Variants in XIAP observed in about 807,000 individuals in gnomAD.
XIAP encodes the protein X-linked inhibitor of apoptosis.
Under a neutral mutation model 33.1 loss-of-function variants are expected in XIAP, and 3 were observed. The ratio of observed to expected loss-of-function variants is 0.09; its 90% CI spans 0.04 to 0.23. The LOEUF (loss-of-function observed/expected upper bound fraction) is 0.23. Among genes scored for constraint, XIAP ranks in the 10% least tolerant of loss-of-function variants. The pLI, the probability that XIAP is intolerant of heterozygous loss-of-function variation, is 1.00. For missense variants in XIAP, 264 were observed against 363.0 expected, an observed-to-expected ratio of 0.73 and a Z score of 2.22; for synonymous variants, 98 against 121.3, an observed-to-expected ratio of 0.81 and a Z score of 1.26.
intron 3 of XIAP, among the ~76,000 whole-genome samples, chrX:123,890,048 G>A (rs1481869136): frequency 6.2e-5 from 4 of 64,158 alleles, no homozygotes; most frequent in African/African-American, 2.7e-4. Context: ...ACGGAGTCTC[G>A]CTCTGTCGCC....
chrX:123,892,609 T>A, intron 4 of XIAP, 122 bp from the exon 5 acceptor site: 1 of 550,066 alleles, frequency 1.8e-6, no homozygotes, highest in Non-Finnish European at 3.1e-6. Context: ...TTGTGAATAT[T>A]CATATATTGA....
At position 123,866,175 on chromosome X, in the gene XIAP, G is replaced by A. The variant is rs1264648196; in HGVS notation, c.-33+5882G>A. On this transcript the variant is annotated intron_variant, in intron 1 of 6. Coordinates refer to ENST00000371199, the MANE Select transcript of XIAP (RefSeq NM_001167.4). Reference sequence around the variant, plus strand: ...AGGTTGGCCTCGAACTCCTGACCTCGTGATCCACCCACCTCAGCCTCCCAA... The same window carrying A: ...AGGTTGGCCTCGAACTCCTGACCTCATGATCCACCCACCTCAGCCTCCCAA... Among the ~76,000 whole-genome samples, 6 of 109,397 alleles carry A rather than the reference G, an allele frequency of 5.5e-5. No homozygotes were observed. The Admixed American group carries it at 6.1e-4, about 11-fold the overall frequency. 95.0% of individuals were successfully genotyped at this position (109,397 alleles called of 115,157 possible). A position where few individuals can be genotyped will look rare whatever the true frequency, so the allele number is the denominator to read the frequency against.
chrX:123,876,958 G>A (rs973856685), intron 1 of XIAP, among the ~76,000 whole-genome samples: 3 of 111,249 alleles, frequency 2.7e-5, no homozygotes, highest in African/African-American at 6.5e-5. Flanking sequence ...GCATTCCAAT[G>A]TACATATGGA....
At chrX:123,885,316 A>G (rs2053341621) in intron 1 of XIAP, among the ~76,000 whole-genome samples, 1 of 111,902 alleles carries the variant, frequency 8.9e-6, no homozygotes, top group African/African-American at 3.2e-5. Flanking sequence ...TAATGATTTG[A>G]CATGGTTAAT....
rs28382749 is a variant in XIAP, at chrX:123,911,196, A to C, written c.*4015A>C. 9.3e-6 allele frequency: 3 copies of C among 321,374 alleles called. No homozygotes were observed. In the East Asian group the frequency reaches 3.0e-4, roughly 32 times the overall value. The allele number at this position is 321,374 out of a possible 1,213,427, so 26.5% of individuals were successfully genotyped here. ...GTTTCTCATAGATAAGATATAAATCAGCTGGGCGCGGTGGCTCATGCCTGT... is the reference window on the plus strand; with the variant it reads ...GTTTCTCATAGATAAGATATAAATCCGCTGGGCGCGGTGGCTCATGCCTGT... On this transcript the variant is annotated 3_prime_UTR_variant, in exon 7 of 7. Transcript: ENST00000371199.
chrX:123,884,786 G>A (rs770823405), intron 1 of XIAP, among the ~76,000 whole-genome samples: 84 of 110,840 alleles, frequency 7.6e-4, no homozygotes, highest in African/African-American at 2.6e-3. Flanking sequence ...ATAACCTAAC[G>A]GGTTCCTTTT....
intron 1 of XIAP, among the ~76,000 whole-genome samples, chrX:123,864,635 AGTGT>A (rs748255094): frequency 0.02 from 1,657 of 84,574 alleles, 22 homozygotes; most frequent in South Asian, 0.092. Context: ...CCCGGCTTAG[AGTGT>A]GTGTGTGTGT....
chrX:123,864,233 G>A (rs1234128428), intron 1 of XIAP, among the ~76,000 whole-genome samples: 1 of 100,520 alleles, frequency 9.9e-6, no homozygotes, highest in African/African-American at 3.7e-5. Flanking sequence ...AATTTCTTTA[G>A]TAAATCCTGT....
intron 1 of XIAP, among the ~76,000 whole-genome samples, chrX:123,879,851 ACGC>A (rs2053281455): frequency 9.0e-6 from 1 of 111,109 alleles, no homozygotes; most frequent in Non-Finnish European, 1.9e-5. Flanking sequence ...TCAGTGGCTC[ACGC>A]CTGTAATCCC....
In XIAP at chrX:123,913,012, C is replaced by G; in HGVS notation, c.*5831C>G. ...ACCAGGCTGGTCTCGAACTCCTGAT[C>G]TCAGGTGATCTGCCTGCCTCGGCCT... On this transcript the variant is annotated 3_prime_UTR_variant, in exon 7 of 7. Coordinates refer to ENST00000371199, the MANE Select transcript of XIAP (RefSeq NM_001167.4). The G allele has an allele frequency of 3.4e-6, 1 of 290,553 alleles. No individual in the cohort carries two copies. Among genetic ancestry groups the G allele is most frequent in the Middle Eastern group, 1.2e-3 (1 of 859 alleles). The allele number at this position is 290,553 out of a possible 1,213,427, so 23.9% of individuals were successfully genotyped here. A position where few individuals can be genotyped will look rare whatever the true frequency, so the allele number is the denominator to read the frequency against.
chrX:123,907,883 A>G lies in XIAP; in HGVS notation c.*702A>G, dbSNP rs767030534. Reference sequence around the variant, plus strand: ...TAGTCTGAGCCAGATCAAAGTATGTATGTTTTTAATATGCATAGAACAAAA... The same window carrying G: ...TAGTCTGAGCCAGATCAAAGTATGTGTGTTTTTAATATGCATAGAACAAAA... On this transcript the variant is annotated 3_prime_UTR_variant, in exon 7 of 7. Coordinates refer to ENST00000371199, the MANE Select transcript of XIAP (RefSeq NM_001167.4). The G allele has an allele frequency of 9.4e-5, 30 of 318,546 alleles. No individual in the cohort carries two copies. Among genetic ancestry groups the G allele is most frequent in the Non-Finnish European group, 1.7e-4 (29 of 171,741 alleles). The allele number at this position is 318,546 out of a possible 1,213,427, so 26.3% of individuals were successfully genotyped here.
At chrX:123,884,061 T>G (rs1419295275) in intron 1 of XIAP, among the ~76,000 whole-genome samples, 1 of 112,326 alleles carries the variant, frequency 8.9e-6, no homozygotes, top group Non-Finnish European at 1.9e-5. Context: ...CACTATAAAT[T>G]GACATGGCCA....
chrX:123,892,094 G>A (rs1000357784), intron 4 of XIAP, among the ~76,000 whole-genome samples: 2 of 111,475 alleles, frequency 1.8e-5, no homozygotes, highest in South Asian at 3.7e-4. Context: ...CGCTGGGCAC[G>A]GTGGCTCACG....
intron 6 of XIAP, 100 bp from the exon 7 acceptor site, chrX:123,906,888 T>C: frequency 1.0e-6 from 1 of 1,002,437 alleles, no homozygotes; most frequent in Non-Finnish European, 1.4e-6. Context: ...CCGGCACTTG[T>C]TGGGTGCTTG....
At chrX:123,891,179 TCTTTG>T in intron 3 of XIAP, 54 bp from the exon 4 acceptor site, 3 of 585,159 alleles carry the variant, frequency 5.1e-6, no homozygotes, top group Non-Finnish European at 8.5e-6. Flanking sequence ...GGAGATTATA[TCTTTG>T]CTTATACTTC....
At chrX:123,880,570 C>G (rs2053291556) in intron 1 of XIAP, among the ~76,000 whole-genome samples, 1 of 107,870 alleles carries the variant, frequency 9.3e-6, no homozygotes, top group Admixed American at 1.0e-4. Context: ...AACCCCATCT[C>G]TTCTAAAAAT....
chrX:123,873,645 A>G, intron 1 of XIAP, among the ~76,000 whole-genome samples: 1 of 109,995 alleles, frequency 9.1e-6, no homozygotes, highest in Admixed American at 9.7e-5. Flanking sequence ...AAAATCAGCC[A>G]GGCGTCGTGG....
rs755282027 is a variant in XIAP at position 123,909,405 on chromosome X, C to T, written c.*2224C>T. On this transcript the variant is annotated 3_prime_UTR_variant, in exon 7 of 7. Coordinates refer to ENST00000371199, the MANE Select transcript of XIAP (RefSeq NM_001167.4). ...CCTGTTTCTGTTTTAGTATGTAAAT[C>T]CTCAGTTCTTCACCTTTGCACTGTC... The T allele has an allele frequency of 3.7e-4, 122 of 327,732 alleles. 1 individual carries two copies. The highest frequency in any genetic ancestry group is 2.7e-3 in the South Asian group (102 of 38,330). 27.0% of individuals were successfully genotyped at this position (327,732 alleles called of 1,213,427 possible).
At chrX:123,889,126 CTG>C (rs2148093334) in intron 3 of XIAP, among the ~76,000 whole-genome samples, 1 of 92,953 alleles carries the variant, frequency 1.1e-5, no homozygotes, top group East Asian at 3.3e-4. Flanking sequence ...GAGTCTCACT[CTG>C]TTGCCAGGCT....
Sources: allele counts gnomAD v4.1 joint callset (sites outside exome capture counted in the v4.1 genomes callset), GRCh38; gene constraint gnomAD v4.1.1; transcripts MANE v1.5; gene names NCBI Gene and HGNC (gene_info 2026-07-23, HGNC 2026-07-21).